ACSS3: variants seen among roughly 807,000 people sequenced by gnomAD.
ACSS3 encodes the protein acyl-CoA synthetase short-chain family member 3, mitochondrial.
In ACSS3, 64 loss-of-function variants were observed where a neutral mutation model predicts 84.2. The ratio of observed to expected loss-of-function variants is 0.76; its 90% CI spans 0.62 to 0.94. The LOEUF (loss-of-function observed/expected upper bound fraction) is 0.94. Among genes scored for constraint, ACSS3 ranks in the 40% least tolerant of loss-of-function variants. The probability of loss-of-function intolerance (pLI) is 0.00; values close to 1 mark genes in which losing one functional copy is unlikely to be tolerated. For synonymous variants in ACSS3, 317 were observed against 310.1 expected, an observed-to-expected ratio of 1.02 and a Z score of -0.23; for missense variants, 815 against 867.6, an observed-to-expected ratio of 0.94 and a Z score of 0.76.
intron 7 of ACSS3, among the ~76,000 whole-genome samples, chr12:81,161,722 G>T (rs1015548056): frequency 3.9e-5 from 6 of 152,136 alleles, no homozygotes; most frequent in African/African-American, 1.4e-4. Flanking sequence ...ACTTGTCCTG[G>T]CAGGCTGTGC....
At chr12:81,146,904 G>A (rs774389973) in intron 5 of ACSS3, among the ~76,000 whole-genome samples, 36 of 151,986 alleles carry the variant, frequency 2.4e-4, no homozygotes, top group Non-Finnish European at 2.4e-4. Flanking sequence ...GAGAACAGGG[G>A]GAAAGAAATC....
chr12:81,108,037 G>A (rs925687485), intron 1 of ACSS3, among the ~76,000 whole-genome samples: 19 of 152,046 alleles, frequency 1.2e-4, no homozygotes, highest in African/African-American at 4.1e-4. Context: ...AGGAAGGGCC[G>A]AGGAAAGAGA....
At chr12:81,210,413 A>G (rs769245266) in intron 9 of ACSS3, among the ~76,000 whole-genome samples, 1 of 152,192 alleles carries the variant, frequency 6.6e-6, no homozygotes, top group African/African-American at 2.4e-5. Context: ...AACGTGTTCA[A>G]TTTAAGAGGA....
chr12:81,128,634 T>C (rs1233103898), intron 2 of ACSS3, among the ~76,000 whole-genome samples: 1 of 152,202 alleles, frequency 6.6e-6, no homozygotes, highest in Non-Finnish European at 1.5e-5. Flanking sequence ...GAACGGCACA[T>C]GGTTAACTTT....
At chr12:81,210,328 G>A (rs538268374) in intron 9 of ACSS3, among the ~76,000 whole-genome samples, 15 of 152,188 alleles carry the variant, frequency 9.9e-5, no homozygotes, top group South Asian at 2.1e-4. Context: ...GAGGAGCTTC[G>A]TCAGAAAGCA....
intron 7 of ACSS3, among the ~76,000 whole-genome samples, chr12:81,161,831 C>T (rs564779428): frequency 2.0e-5 from 3 of 152,196 alleles, no homozygotes; most frequent in Non-Finnish European, 2.9e-5. Context: ...GGTCCAGCCA[C>T]TGCACACAGT....
At chr12:81,137,292 T>C (rs1010978096) in intron 3 of ACSS3, among the ~76,000 whole-genome samples, 2 of 150,632 alleles carry the variant, frequency 1.3e-5, no homozygotes, top group East Asian at 2.0e-4. Flanking sequence ...AAAAAACTTA[T>C]GGTGTACCAC....
At chr12:81,226,922 G>T (rs1327416459) in intron 11 of ACSS3, among the ~76,000 whole-genome samples, 2 of 151,376 alleles carry the variant, frequency 1.3e-5, no homozygotes, top group African/African-American at 4.9e-5. Flanking sequence ...ATGTCCCATT[G>T]TACTAGTCAG....
At chr12:81,145,992 T>A (rs541958034) in intron 5 of ACSS3, among the ~76,000 whole-genome samples, 2 of 152,352 alleles carry the variant, frequency 1.3e-5, no homozygotes, top group Admixed American at 1.3e-4. Context: ...AGGGTTGAAA[T>A]TGCTTTAAAT....
At chr12:81,199,205 T>C (rs2031986312) in intron 8 of ACSS3, 136 bp from the exon 9 acceptor site, 1 of 707,522 alleles carries the variant, frequency 1.4e-6, no homozygotes, top group African/African-American at 1.8e-5. Context: ...CTCATCATTA[T>C]ACAGTGTGAT....
intron 13 of ACSS3, among the ~76,000 whole-genome samples, chr12:81,245,701 A>G (rs1423250168): frequency 1.3e-5 from 2 of 152,002 alleles, no homozygotes; most frequent in East Asian, 3.9e-4. Flanking sequence ...GTTTTTCTCT[A>G]TTTACTTGTC....
intron 5 of ACSS3, among the ~76,000 whole-genome samples, chr12:81,145,791 C>G (rs942352947): frequency 2.0e-5 from 3 of 152,114 alleles, no homozygotes; most frequent in South Asian, 2.1e-4. Flanking sequence ...GATGCCCAGT[C>G]AAGAGTTGGT....
At position 81,109,668 on chromosome 12, in the gene ACSS3, T is replaced by C; in HGVS notation, c.420T>C (p.Thr140=). 6.8e-6 allele frequency: 11 copies of C among 1,609,324 alleles called. No individual in the cohort carries two copies. The highest frequency in any genetic ancestry group is 9.3e-6 in the Non-Finnish European group (11 of 1,178,074). ...AIIYDSPVTN[T]KATFTYKEVL... The stretch of plus-strand genomic sequence containing the variant: ...TCTATGACAGTCCTGTTACAAACAC[T>C]AAAGCAACCTTTACCTATAAAGAAG... The change falls in exon 2 of 16, where the codon ACT becomes ACC. Residue 140 remains threonine (T), a synonymous_variant. Transcript: ENST00000548058.
intron 11 of ACSS3, among the ~76,000 whole-genome samples, chr12:81,221,474 A>G (rs767544902): frequency 2.6e-5 from 4 of 152,106 alleles, no homozygotes; most frequent in Non-Finnish European, 5.9e-5. Context: ...TAAAAAGAGG[A>G]TGTTTCTTCA....
rs764965164 is a variant in ACSS3, at chr12:81,134,893, C to T, written c.534C>T (p.Ile178=). Residue 178 remains isoleucine, a synonymous_variant, in exon 3 of 16, where the codon ATC becomes ATT. Coordinates refer to ENST00000548058, the MANE Select transcript of ACSS3 (RefSeq NM_024560.4). ...CTGTGGTTATCTACATGCCTATGAT[C>T]CCACAGGCGATGTATACCATGTTGG... The part of the protein sequence containing the change: ...GDTVVIYMPM[I]PQAMYTMLAC... 3.1e-6 allele frequency: 5 copies of T among 1,603,324 alleles called. No homozygotes were observed. In the South Asian group the frequency reaches 5.6e-5, roughly 18 times the overall value.
chr12:81,185,098 C>T (rs1403245357), intron 8 of ACSS3, among the ~76,000 whole-genome samples: 1 of 151,730 alleles, frequency 6.6e-6, no homozygotes, highest in Non-Finnish European at 1.5e-5. Flanking sequence ...CAGTGTGATA[C>T]ATCACATTAA....
chr12:81,128,135 A>T (rs1328567236), intron 2 of ACSS3, among the ~76,000 whole-genome samples: 1 of 151,990 alleles, frequency 6.6e-6, no homozygotes, highest in Non-Finnish European at 1.5e-5. Flanking sequence ...TAATATATAA[A>T]TTTCAGTTGT....
chr12:81,252,082 C>T (rs2034171657), intron 13 of ACSS3, among the ~76,000 whole-genome samples: 1 of 152,020 alleles, frequency 6.6e-6, no homozygotes, highest in Non-Finnish European at 1.5e-5. Context: ...CCTATGAAGT[C>T]CTTCCCCAGG....
At chr12:81,088,352 T>G (rs997269352) in intron 1 of ACSS3, among the ~76,000 whole-genome samples, 2 of 152,074 alleles carry the variant, frequency 1.3e-5, no homozygotes, top group Admixed American at 6.6e-5. Flanking sequence ...CAGCCTGTCC[T>G]TACTGATTGA....
Sources: gnomAD v4.1 joint callset for allele counts (sites outside exome capture counted in the v4.1 genomes callset) on GRCh38, gnomAD v4.1.1 for gene constraint, MANE v1.5 for transcripts, NCBI Gene and HGNC (gene_info 2026-07-23, HGNC 2026-07-21) for gene names.